The following LAMA3 variants were observed in gnomAD, a reference collection of about 807,000 sequenced individuals.
The protein encoded by LAMA3 is laminin subunit alpha 3.
Under a neutral mutation model 402.0 loss-of-function variants are expected in LAMA3, and 281 were observed. The ratio of observed to expected loss-of-function variants is 0.70; its 90% confidence interval spans 0.63 to 0.77. LAMA3 has a LOEUF of 0.77. Among genes scored for constraint, LAMA3 ranks in the 30% least tolerant of loss-of-function variants. The pLI, the probability that LAMA3 is intolerant of heterozygous loss-of-function variation, is 0.00. For missense variants in LAMA3, 3,840 were observed against 4,215.5 expected (o/e 0.91, Z 2.47); for synonymous variants, 1,431 against 1,558.4 (o/e 0.92, Z 1.93).
At chr18:23,943,099 C>A (rs8089138) in intron 68 of LAMA3, among the ~76,000 whole-genome samples, 23,341 of 152,172 alleles carry the variant, frequency 0.15, 2,778 homozygotes, top group East Asian at 0.6. Flanking sequence ...ACTTCTCCTA[C>A]GACTTCCCTC....
intron 38 of LAMA3, among the ~76,000 whole-genome samples, chr18:23,874,095 A>G (rs1395043844): frequency 6.6e-6 from 1 of 152,212 alleles, no homozygotes. Context: ...AAAGCAAATT[A>G]AGATGGGTGA....
chr18:23,776,155 C>T (rs909955188), intron 10 of LAMA3, among the ~76,000 whole-genome samples: 1 of 152,198 alleles, frequency 6.6e-6, no homozygotes, highest in African/African-American at 2.4e-5. Flanking sequence ...AAATTGCCAT[C>T]TCAGTAGGTC....
intron 31 of LAMA3, among the ~76,000 whole-genome samples, chr18:23,846,732 C>T (rs1029327633): frequency 1.3e-5 from 2 of 152,218 alleles, no homozygotes; most frequent in African/African-American, 4.8e-5. Context: ...CTCTAAGTAG[C>T]AATGTTCTAG....
intron 36 of LAMA3, among the ~76,000 whole-genome samples, chr18:23,867,170 C>A (rs774210798): frequency 2.6e-5 from 4 of 152,162 alleles, no homozygotes; most frequent in Non-Finnish European, 5.9e-5. Flanking sequence ...CAGTAACCCA[C>A]CCACCAAAGC....
intron 42 of LAMA3, 112 bp downstream of exon 42, chr18:23,890,229 C>T (rs1412489806): frequency 6.6e-6 from 5 of 761,170 alleles, no homozygotes; most frequent in Non-Finnish European, 1.2e-5. Flanking sequence ...TTCCAGCCAG[C>T]AAGCTGTCCC....
At chr18:23,942,548 C>A (rs554341779) in intron 68 of LAMA3, among the ~76,000 whole-genome samples, 3 of 151,374 alleles carry the variant, frequency 2.0e-5, no homozygotes, top group African/African-American at 7.3e-5. Context: ...AACATGTAAC[C>A]ATCATGCAAA....
At chr18:23,714,908 T>G (rs1374160267) in intron 2 of LAMA3, among the ~76,000 whole-genome samples, 1 of 152,208 alleles carries the variant, frequency 6.6e-6, no homozygotes, top group Non-Finnish European at 1.5e-5. Flanking sequence ...CTCATATAAG[T>G]GGAATCATAT....
chr18:23,712,295 G>A (rs1448888643), intron 1 of LAMA3, among the ~76,000 whole-genome samples: 3 of 151,224 alleles, frequency 2.0e-5, no homozygotes, highest in African/African-American at 7.3e-5. Context: ...CAGGAGAATC[G>A]CTTGAACCTG....
At chr18:23,845,897 C>T (rs1299457062) in intron 30 of LAMA3, among the ~76,000 whole-genome samples, 1 of 152,138 alleles carries the variant, frequency 6.6e-6, no homozygotes, top group Non-Finnish European at 1.5e-5. Flanking sequence ...GTTTCCAGCA[C>T]ACAACATTCA....
chr18:23,742,691 A>C (rs2061584191), intron 2 of LAMA3, among the ~76,000 whole-genome samples: 1 of 152,032 alleles, frequency 6.6e-6, no homozygotes, highest in Admixed American at 6.6e-5. Flanking sequence ...GAGAACAAAA[A>C]ATATGGTATA....
intron 1 of LAMA3, among the ~76,000 whole-genome samples, chr18:23,707,789 C>T (rs1421369848): frequency 6.6e-6 from 1 of 151,566 alleles, no homozygotes; most frequent in Non-Finnish European, 1.5e-5. Flanking sequence ...CTCTGTCGCC[C>T]AGGATGGAGC....
intron 1 of LAMA3, among the ~76,000 whole-genome samples, chr18:23,692,260 G>A (rs763918067): frequency 3.3e-5 from 5 of 152,114 alleles, no homozygotes; most frequent in African/African-American, 7.2e-5. Context: ...AAGGTATTAC[G>A]TTTTAATGTT....
intron 32 of LAMA3, among the ~76,000 whole-genome samples, chr18:23,855,403 G>A (rs1441285481): frequency 1.3e-5 from 2 of 152,180 alleles, no homozygotes; most frequent in Admixed American, 6.5e-5. Context: ...TATTTTGGGA[G>A]GGGTCATCTG....
chr18:23,707,199 G>A (rs968826435), intron 1 of LAMA3, among the ~76,000 whole-genome samples: 3 of 152,188 alleles, frequency 2.0e-5, no homozygotes, highest in Non-Finnish European at 4.4e-5. Context: ...GTTGCATTCA[G>A]CTGGTGGCTA....
chr18:23,904,568 C>T lies in LAMA3; in HGVS notation c.6489C>T (p.Ala2163=), dbSNP rs2081180072. ...TGTCTTCCAGGATCAAGAGAAACGC[C>T]AGCGGGGATGAGCTGGTGCGCTGTG... ...AKQLEEIKRN[A]SGDELVRCAV... The change falls in exon 51 of 75, where the codon GCC becomes GCT. Residue 2163 remains alanine (A), a synonymous_variant. Coordinates refer to ENST00000313654, the MANE Select transcript of LAMA3 (RefSeq NM_198129.4). 1 of 1,599,730 alleles carries T rather than the reference C, an allele frequency of 6.3e-7. No individual in the cohort carries two copies. The highest frequency in any genetic ancestry group is 8.5e-7 in the Non-Finnish European group (1 of 1,173,086).
At chr18:23,889,670 GAGGGAGGA>G (rs1356106400) in intron 41 of LAMA3, among the ~76,000 whole-genome samples, 16 of 94,586 alleles carry the variant, frequency 1.7e-4, no homozygotes, top group African/African-American at 6.4e-4. Flanking sequence ...AGGGAGGGGG[GAGGGAGGA>G]AGGAAGGAAG....
At chr18:23,842,033 T>A (rs1008405974) in intron 27 of LAMA3, among the ~76,000 whole-genome samples, 1 of 152,206 alleles carries the variant, frequency 6.6e-6, no homozygotes, top group African/African-American at 2.4e-5. Context: ...TCTGGATATG[T>A]ACCCAGAAGG....
chr18:23,869,266 AGGAGGG>A (rs2064445590), intron 37 of LAMA3, among the ~76,000 whole-genome samples: 1 of 152,262 alleles, frequency 6.6e-6, no homozygotes, highest in African/African-American at 2.4e-5. Flanking sequence ...ACCAGAGAAG[AGGAGGG>A]AATGATACTA....
At chr18:23,941,188 G>A (rs1181531955) in intron 68 of LAMA3, among the ~76,000 whole-genome samples, 6 of 151,574 alleles carry the variant, frequency 4.0e-5, no homozygotes, top group Admixed American at 6.6e-5. Flanking sequence ...CGCCCACCTC[G>A]GCCTCCCAAA....
Sources: allele counts gnomAD v4.1 joint callset (sites outside exome capture counted in the v4.1 genomes callset), GRCh38; gene constraint gnomAD v4.1.1; transcripts MANE v1.5; gene names NCBI Gene and HGNC (gene_info 2026-07-23, HGNC 2026-07-21).